Variants in DNER observed in about 807,000 individuals in gnomAD.
DNER encodes delta/notch like EGF repeat containing, also known as delta and Notch-like epidermal growth factor-related receptor.
DNER carries 33 observed loss-of-function variants against 78.2 expected under a neutral mutation model. That is an observed-to-expected ratio of 0.42 (90% CI 0.32 to 0.56). The LOEUF (loss-of-function observed/expected upper bound fraction) is 0.56. Among genes scored for constraint, DNER ranks in the 20% least tolerant of loss-of-function variants. The pLI is 0.11. For synonymous variants in DNER, 417 were observed against 384.8 expected (o/e 1.08, Z -0.98); for missense variants, 918 against 975.3 (o/e 0.94, Z 0.78).
At chr2:229,475,479 C>T (rs538624360) in intron 7 of DNER, among the ~76,000 whole-genome samples, 2 of 152,298 alleles carry the variant, frequency 1.3e-5, no homozygotes, top group Admixed American at 1.3e-4. Context: ...CAGGCAGATC[C>T]CTTCTGTGCA....
intron 1 of DNER, among the ~76,000 whole-genome samples, chr2:229,644,668 C>A (rs886378807): frequency 6.6e-6 from 1 of 152,022 alleles, no homozygotes; most frequent in Admixed American, 6.6e-5. Context: ...TAGATGCTCC[C>A]AAACTCAAGG....
intron 5 of DNER, among the ~76,000 whole-genome samples, chr2:229,543,102 A>C (rs976173875): frequency 1.3e-5 from 2 of 152,118 alleles, no homozygotes; most frequent in African/African-American, 4.8e-5. Context: ...GAGGCACCAG[A>C]AGCTCTTCAA....
intron 8 of DNER, among the ~76,000 whole-genome samples, chr2:229,444,613 G>C (rs1032951938): frequency 6.6e-6 from 1 of 152,184 alleles, no homozygotes; most frequent in African/African-American, 2.4e-5. Context: ...TTTGGGTCAG[G>C]CATGGTGGCT....
chr2:229,578,459 T>G (rs979879242), intron 4 of DNER, among the ~76,000 whole-genome samples: 1 of 152,198 alleles, frequency 6.6e-6, no homozygotes, highest in African/African-American at 2.4e-5. Flanking sequence ...GACAAAGGAA[T>G]ACACATCTAG....
At chr2:229,376,243 A>C (rs533637145) in intron 11 of DNER, among the ~76,000 whole-genome samples, 1 of 152,292 alleles carries the variant, frequency 6.6e-6, no homozygotes, top group East Asian at 1.9e-4. Context: ...GAAGTGATTA[A>C]GTCATGAGGG....
chr2:229,508,603 T>C (rs1035697115), intron 6 of DNER, among the ~76,000 whole-genome samples: 8 of 152,116 alleles, frequency 5.3e-5, no homozygotes, highest in Admixed American at 4.6e-4. Context: ...GAAAACAGGC[T>C]GGGCGCGGTG....
intron 1 of DNER, among the ~76,000 whole-genome samples, chr2:229,598,682 A>T (rs1385918869): frequency 6.6e-6 from 1 of 152,314 alleles, no homozygotes; most frequent in East Asian, 1.9e-4. Flanking sequence ...AGCTTTCGGC[A>T]AAACAAAGAC....
chr2:229,599,422 A>T (rs1051937187), intron 1 of DNER, among the ~76,000 whole-genome samples: 1 of 139,524 alleles, frequency 7.2e-6, no homozygotes, highest in East Asian at 2.2e-4. Flanking sequence ...TACTTTTGAC[A>T]CCTTGAATTG....
At chr2:229,521,989 C>T (rs961496633) in intron 5 of DNER, among the ~76,000 whole-genome samples, 2 of 151,628 alleles carry the variant, frequency 1.3e-5, no homozygotes, top group African/African-American at 2.4e-5. Flanking sequence ...TTCTTTTATT[C>T]GGGTTCAGTA....
intron 1 of DNER, among the ~76,000 whole-genome samples, chr2:229,706,107 G>A (rs1699822690): frequency 6.6e-6 from 1 of 152,148 alleles, no homozygotes; most frequent in African/African-American, 2.4e-5. Flanking sequence ...CAAGAGGGAT[G>A]GAAGAGAACA....
At chr2:229,695,364 C>T (rs1399767975) in intron 1 of DNER, among the ~76,000 whole-genome samples, 1 of 151,494 alleles carries the variant, frequency 6.6e-6, no homozygotes, top group South Asian at 2.1e-4. Context: ...TGTAACCCTT[C>T]ATGTAAGTAA....
In DNER at chr2:229,512,802, G is replaced by A. The variant is rs1695891768; in HGVS notation, c.1128C>T (p.Phe376=). 6.2e-7 allele frequency: 1 copy of A among 1,614,044 alleles called. No individual in the cohort carries two copies. Among genetic ancestry groups the A allele is most frequent in the Non-Finnish European group, 8.5e-7 (1 of 1,180,006 alleles). The change falls in exon 6 of 13, where the codon TTC becomes TTT. Residue 376 remains phenylalanine (F), a synonymous_variant. Coordinates refer to ENST00000341772, the MANE Select transcript of DNER (RefSeq NM_139072.4). ...DANEKQDGSN[F]TCVCLPGYTG... ...TCGTACCAGGAAGGCAAACACAGGT[G>A]AAATTGCTCCCATCTTGCTTTTCAT...
intron 7 of DNER, among the ~76,000 whole-genome samples, chr2:229,458,494 T>C (rs1694625661): frequency 6.6e-6 from 1 of 152,012 alleles, no homozygotes; most frequent in Admixed American, 6.5e-5. Flanking sequence ...CATATTCTTT[T>C]CATGTGCACA....
intron 1 of DNER, among the ~76,000 whole-genome samples, chr2:229,641,685 G>A (rs905375756): frequency 1.3e-5 from 2 of 151,248 alleles, no homozygotes; most frequent in East Asian, 1.9e-4. Context: ...AAATGAAGCA[G>A]GTAGATATAT....
chr2:229,426,156 T>G (rs576202945), intron 8 of DNER, among the ~76,000 whole-genome samples: 1 of 151,964 alleles, frequency 6.6e-6, no homozygotes, highest in Non-Finnish European at 1.5e-5. Flanking sequence ...GTTAAAGATA[T>G]GGGGGCCGGG....
chr2:229,417,883 A>G (rs745317524), intron 9 of DNER, among the ~76,000 whole-genome samples: 2 of 152,188 alleles, frequency 1.3e-5, no homozygotes, highest in Admixed American at 1.3e-4. Context: ...GAAAGCGAGG[A>G]TCCACAAAGA....
At chr2:229,417,011 C>G (rs565937903) in intron 9 of DNER, among the ~76,000 whole-genome samples, 26 of 152,218 alleles carry the variant, frequency 1.7e-4, no homozygotes, top group East Asian at 5.8e-4. Flanking sequence ...AACTGAGAAG[C>G]CTGAGAATGA....
At chr2:229,485,488 C>A (rs1695250653) in intron 6 of DNER, among the ~76,000 whole-genome samples, 1 of 152,086 alleles carries the variant, frequency 6.6e-6, no homozygotes, top group Non-Finnish European at 1.5e-5. Flanking sequence ...AAAATGTATT[C>A]ATATCTAGAG....
At chr2:229,574,337 G>A (rs1014307760) in intron 4 of DNER, among the ~76,000 whole-genome samples, 1 of 152,024 alleles carries the variant, frequency 6.6e-6, no homozygotes, top group African/African-American at 2.4e-5. Context: ...AGAAAGAAAG[G>A]AAGGAACGAA....
Sources: allele counts gnomAD v4.1 joint callset (sites outside exome capture counted in the v4.1 genomes callset), GRCh38; gene constraint gnomAD v4.1.1; transcripts MANE v1.5; gene names NCBI Gene and HGNC (gene_info 2026-07-23, HGNC 2026-07-21).